The following APAF1 variants were observed in gnomAD, a reference collection of about 807,000 sequenced individuals.
APAF1 encodes apoptotic protease-activating factor 1.
Under a neutral mutation model 152.4 loss-of-function variants are expected in APAF1, and 91 were observed. That is an observed-to-expected ratio of 0.60 (90% CI 0.50 to 0.71). The LOEUF (loss-of-function observed/expected upper bound fraction) is 0.71. APAF1 is among the 30% of genes least tolerant of loss of function. APAF1 has a pLI of 0.00. For synonymous variants in APAF1, 484 were observed against 494.1 expected (o/e 0.98, Z 0.27); for missense variants, 1,283 against 1,472.0 (o/e 0.87, Z 2.10).
intron 20 of APAF1, among the ~76,000 whole-genome samples, chr12:98,710,881 TA>T (rs79804889): frequency 0.12 from 18,423 of 152,236 alleles, 1,179 homozygotes; most frequent in East Asian, 0.25. Flanking sequence ...CCTCAGTTTG[TA>T]AAGGTCCTTT....
chr12:98,697,914 G>C (rs1049515181), intron 16 of APAF1, among the ~76,000 whole-genome samples: 1 of 152,184 alleles, frequency 6.6e-6, no homozygotes, highest in African/African-American at 2.4e-5. Flanking sequence ...GCTCTGAGAT[G>C]AACTGTTTTA....
At position 98,649,682 on chromosome 12, in the gene APAF1, A is replaced by G. The variant is rs2097646483; in HGVS notation, c.524A>G (p.Glu175Gly). 6.2e-7 allele frequency: 1 copy of G among 1,613,644 alleles called. No homozygotes were observed. The highest frequency in any genetic ancestry group is 1.3e-5 in the African/African-American group (1 of 75,040). ...GCTGTTAGAGATCATTCCCTTTTAG[A>G]AGGTAAGTGTCTTAGTCCATTTCAT... is the stretch of plus-strand genomic sequence containing the variant. ...AEAVRDHSLL[E>G]GCFPGGVHWV... The change falls in exon 4 of 27, where the codon GAA becomes GGA. Residue 175 changes from glutamate to glycine, a missense_variant and splice_region_variant. Transcript: ENST00000551964.
At chr12:98,704,492 G>T (rs1428682777) in intron 18 of APAF1, among the ~76,000 whole-genome samples, 2 of 152,316 alleles carry the variant, frequency 1.3e-5, no homozygotes, top group Non-Finnish European at 2.9e-5. Context: ...TAGTGAGTTT[G>T]CCAGCCTTGC....
chr12:98,724,599 G>A (rs988335928), intron 24 of APAF1, among the ~76,000 whole-genome samples: 3 of 152,204 alleles, frequency 2.0e-5, no homozygotes, highest in African/African-American at 7.2e-5. Flanking sequence ...TCTAGACCTA[G>A]ATTTGATGGC....
intron 5 of APAF1, among the ~76,000 whole-genome samples, chr12:98,662,147 C>CTTTTTTTTTTTTT (rs575642787): frequency 9.1e-6 from 1 of 110,444 alleles, no homozygotes; most frequent in African/African-American, 3.4e-5. Context: ...GTAATGGTCG[C>CTTTTTTTTTTTTT]TTTTTTTTTT....
At chr12:98,656,966 C>T (rs2097658549) in intron 4 of APAF1, among the ~76,000 whole-genome samples, 1 of 152,144 alleles carries the variant, frequency 6.6e-6, no homozygotes, top group Admixed American at 6.5e-5. Context: ...TCCTCTTATG[C>T]TCTTTGTCTG....
intron 12 of APAF1, among the ~76,000 whole-genome samples, chr12:98,672,215 A>G (rs1322642710): frequency 6.6e-6 from 1 of 152,036 alleles, no homozygotes; most frequent in East Asian, 1.9e-4. Flanking sequence ...CCAAGGCTGG[A>G]GTGCAGTGGT....
At chr12:98,659,772 A>AG (rs71305590) in intron 5 of APAF1, among the ~76,000 whole-genome samples, 3 of 133,258 alleles carry the variant, frequency 2.3e-5, no homozygotes, top group African/African-American at 8.8e-5. Context: ...AAAAAAAAAA[A>AG]GAGAGAGAAA....
intron 16 of APAF1, among the ~76,000 whole-genome samples, chr12:98,698,861 C>T (rs2097712351): frequency 6.6e-6 from 1 of 152,202 alleles, no homozygotes; most frequent in South Asian, 2.1e-4. Flanking sequence ...GTATCTCATT[C>T]CTCAGGATCC....
intron 11 of APAF1, among the ~76,000 whole-genome samples, 182 bp downstream of exon 11, chr12:98,671,268 A>C (rs1210630746): frequency 6.6e-6 from 1 of 152,116 alleles, no homozygotes; most frequent in African/African-American, 2.4e-5. Flanking sequence ...GTAGGATTGA[A>C]GTTTAAAAGC....
chr12:98,682,770 G>A (rs551982391), intron 14 of APAF1, among the ~76,000 whole-genome samples: 50 of 152,274 alleles, frequency 3.3e-4, no homozygotes, highest in Middle Eastern at 6.8e-3. Context: ...GTCATAAGTG[G>A]TAGAGCCAGC....
chr12:98,684,033 T>C lies in APAF1; in HGVS notation c.2178+759T>C, dbSNP rs375368528. Among the ~76,000 whole-genome samples, 8 of 152,320 alleles carry C rather than the reference T, an allele frequency of 5.3e-5. 1 individual carries two copies. Among genetic ancestry groups the C allele is most frequent in the East Asian group, 1.9e-4 (1 of 5,184 alleles). On this transcript the variant is annotated intron_variant, in intron 15 of 26. Coordinates refer to ENST00000551964, the MANE Select transcript of APAF1 (RefSeq NM_181861.2). ...ATCTGCTAACTTTTTTTGAATTGTT[T>C]TTTGGTTTGATTTCAAACCTTTCTT... is the stretch of plus-strand genomic sequence containing the variant.
intron 4 of APAF1, among the ~76,000 whole-genome samples, chr12:98,653,691 A>ATAT (rs1429273147): frequency 1.3e-4 from 2 of 15,100 alleles, no homozygotes; most frequent in African/African-American, 4.1e-4. Context: ...AAAAAAAAAA[A>ATAT]ATATATATAT....
rs779594536 is a variant in APAF1, at chr12:98,665,809, C to T, written c.1194+18C>T. 2.0e-6 allele frequency: 3 copies of T among 1,521,234 alleles called. No homozygotes were observed. In the African/African-American group the frequency reaches 4.1e-5, roughly 21 times the overall value. The allele number at this position is 1,521,234 out of a possible 1,614,324, so 94.2% of individuals were successfully genotyped here. On this transcript the variant is annotated intron_variant, in intron 8 of 26. Transcript: ENST00000551964. ...CTACAAAGGTAATGGGATCAATGATCCTCATCATTGGGTATTTATTGCATG... is the reference window on the plus strand; with the variant it reads ...CTACAAAGGTAATGGGATCAATGATTCTCATCATTGGGTATTTATTGCATG...
intron 23 of APAF1, 21 bp from the exon 24 acceptor site, chr12:98,723,617 GT>G: frequency 7.2e-7 from 1 of 1,381,992 alleles, no homozygotes; most frequent in Non-Finnish European, 1.0e-6. Flanking sequence ...CAACCTCCAA[GT>G]GTTTTTTTTT....
chr12:98,668,786 T>G (rs911370359), intron 10 of APAF1, among the ~76,000 whole-genome samples: 7 of 152,208 alleles, frequency 4.6e-5, no homozygotes, highest in African/African-American at 1.7e-4. Context: ...GAACTCATTT[T>G]GGATATATTA....
Position 98,659,367 on chromosome 12 carries a change from G to A in APAF1, c.710+24G>A, listed in dbSNP as rs367870018. 1.4e-5 allele frequency: 23 copies of A among 1,612,116 alleles called. No individual in the cohort carries two copies. In the African/African-American group the frequency reaches 1.7e-4, roughly 12 times the overall value. On this transcript the variant is annotated intron_variant, in intron 5 of 26. Coordinates refer to ENST00000551964, the MANE Select transcript of APAF1 (RefSeq NM_181861.2). ...AGGTACCGATGGTCAAATTTAGTTG[G>A]TGTGTCAGGTCCCATGTCCCAATAA...
At chr12:98,727,402 G>C in intron 26 of APAF1, 86 bp downstream of exon 26, 1 of 1,493,630 alleles carries the variant, frequency 6.7e-7, no homozygotes, top group South Asian at 1.1e-5. Context: ...TCTCAGTTGG[G>C]CCTTTTACAA....
chr12:98,717,681 A>G (rs763064670), intron 22 of APAF1, among the ~76,000 whole-genome samples: 5 of 151,996 alleles, frequency 3.3e-5, no homozygotes, highest in Non-Finnish European at 7.4e-5. Context: ...TGGCTTATAT[A>G]TATAATTTTT....
Sources: gnomAD v4.1 joint callset for allele counts (sites outside exome capture counted in the v4.1 genomes callset) on GRCh38, gnomAD v4.1.1 for gene constraint, MANE v1.5 for transcripts, NCBI Gene and HGNC (gene_info 2026-07-23, HGNC 2026-07-21) for gene names.